The following ACVR2A variants were observed in gnomAD, a reference collection of about 807,000 sequenced individuals.
ACVR2A encodes the protein activin A receptor type 2A.
ACVR2A carries 7 observed loss-of-function variants against 61.4 expected under a neutral mutation model. That is an observed-to-expected ratio of 0.11 (90% confidence interval 0.06 to 0.21). The LOEUF (loss-of-function observed/expected upper bound fraction) is 0.21, where lower values mean the gene tolerates loss of function less well. Ranked by LOEUF, ACVR2A falls within the 10% of genes least tolerant of loss-of-function variation. The probability of loss-of-function intolerance (pLI) is 1.00; values close to 1 mark genes in which losing one functional copy is unlikely to be tolerated. For missense variants in ACVR2A, 322 were observed against 621.7 expected, an observed-to-expected ratio of 0.52 and a Z score of 5.13; for synonymous variants, 193 against 208.3, an observed-to-expected ratio of 0.93 and a Z score of 0.63.
chr2:147,875,484 C>T (rs576366066), intron 1 of ACVR2A, among the ~76,000 whole-genome samples: 1 of 151,414 alleles, frequency 6.6e-6, no homozygotes, highest in East Asian at 1.9e-4. Flanking sequence ...TCTTTTTTCC[C>T]CTGTGGAAAT....
At position 147,845,222 on chromosome 2, in the gene ACVR2A, C is replaced by A; in HGVS notation, c.55+15C>A. The A allele has an allele frequency of 6.2e-7, 1 of 1,610,162 alleles. No individual in the cohort carries two copies. Among genetic ancestry groups the A allele is most frequent in the African/African-American group, 1.3e-5 (1 of 74,500 alleles). On this transcript the variant is annotated intron_variant, in intron 1 of 10. Transcript: ENST00000241416. ...CTGTTCTTCAGGTAGGTGCAGGGAGCGCGGCGCGGTGGGGCTGCTCCTGCG... is the reference window on the plus strand; with the variant it reads ...CTGTTCTTCAGGTAGGTGCAGGGAGAGCGGCGCGGTGGGGCTGCTCCTGCG...
At chr2:147,905,889 A>G (rs899431167) in intron 4 of ACVR2A, among the ~76,000 whole-genome samples, 35 of 152,288 alleles carry the variant, frequency 2.3e-4, no homozygotes, top group African/African-American at 7.7e-4. Flanking sequence ...ACCTTTATCA[A>G]TAGCTTAAAA....
chr2:147,880,983 A>G (rs181917846), intron 1 of ACVR2A, among the ~76,000 whole-genome samples: 24 of 152,296 alleles, frequency 1.6e-4, no homozygotes, highest in African/African-American at 5.5e-4. Flanking sequence ...ATGGAAATCT[A>G]TCCCTTTTAT....
intron 3 of ACVR2A, 43 bp from the exon 4 acceptor site, chr2:147,899,701 T>G: frequency 1.2e-6 from 2 of 1,605,422 alleles, no homozygotes; most frequent in East Asian, 2.2e-5. Context: ...TTATAGAATT[T>G]TGTAGACCAA....
At position 147,888,445 on chromosome 2, in the gene ACVR2A, T is replaced by A. The variant is rs199737881; in HGVS notation, c.56-7856T>A. ...TTCCAAATGTTTAGGTTTTATTTGATTTCTTTCATCAGCATTTTAAAATTT... is the reference window on the plus strand; with the variant it reads ...TTCCAAATGTTTAGGTTTTATTTGAATTCTTTCATCAGCATTTTAAAATTT... On this transcript the variant is annotated intron_variant, in intron 1 of 10. Coordinates refer to ENST00000241416, the MANE Select transcript of ACVR2A (RefSeq NM_001616.5). Among the ~76,000 whole-genome samples, 10 of 152,312 alleles carry A rather than the reference T, an allele frequency of 6.6e-5. No individual in the cohort carries two copies. The East Asian group carries it at 1.9e-3, about 29-fold the overall frequency.
chr2:147,898,977 G>C (rs1208694366), intron 2 of ACVR2A, among the ~76,000 whole-genome samples: 1 of 152,020 alleles, frequency 6.6e-6, no homozygotes, highest in African/African-American at 2.4e-5. Context: ...TGAGATACGA[G>C]CTTTTATCAC....
intron 1 of ACVR2A, among the ~76,000 whole-genome samples, chr2:147,878,767 G>A (rs975301512): frequency 2.0e-5 from 3 of 152,010 alleles, no homozygotes; most frequent in East Asian, 1.9e-4. Flanking sequence ...AAAAAAAGCC[G>A]GTGTGGTGGC....
chr2:147,914,962 T>C (rs1417025435), intron 4 of ACVR2A, among the ~76,000 whole-genome samples: 3 of 151,828 alleles, frequency 2.0e-5, no homozygotes, highest in Admixed American at 6.6e-5. Flanking sequence ...GGTACATATA[T>C]AGCAATAATG....
rs149682383 is a variant in ACVR2A, at chr2:147,920,267, C to A, written c.1000C>A (p.Leu334Met). Reference sequence around the variant, plus strand: ...TAAAAATGTGCTGTTGAAAAACAACCTGACAGCTTGCATTGCTGACTTTGG... The same window carrying A: ...TAAAAATGTGCTGTTGAAAAACAACATGACAGCTTGCATTGCTGACTTTGG... ...KSKNVLLKNN[L>M]TACIADFGLA... Residue 334 changes from leucine to methionine, a missense_variant, in exon 8 of 11, where the codon CTG becomes ATG. Leu to Met is a conservative substitution (Grantham distance 15). Coordinates refer to ENST00000241416, the MANE Select transcript of ACVR2A (RefSeq NM_001616.5). The A allele has an allele frequency of 1.2e-6, 2 of 1,613,448 alleles. No homozygotes were observed. Among genetic ancestry groups the A allele is most frequent in the African/African-American group, 2.7e-5 (2 of 74,872 alleles).
Position 147,899,734 on chromosome 2 carries a change from T to C in ACVR2A, c.374-10T>C. 1 of 1,611,208 alleles carries C rather than the reference T, an allele frequency of 6.2e-7. No individual in the cohort carries two copies. The highest frequency in any genetic ancestry group is 8.5e-7 in the Non-Finnish European group (1 of 1,178,412). The stretch of plus-strand genomic sequence containing the variant: ...CAAATCTGAGTTATTTTTCCCCCCC[T>C]TTTCCACAGCCACTTCAAATCCAGT... On this transcript the variant is annotated splice_polypyrimidine_tract_variant and intron_variant, in intron 3 of 10. Transcript: ENST00000241416.
At chr2:147,922,140 T>A (rs1472035832) in intron 8 of ACVR2A, among the ~76,000 whole-genome samples, 6 of 152,128 alleles carry the variant, frequency 3.9e-5, no homozygotes, top group Admixed American at 6.6e-5. Flanking sequence ...GTAAATTTTT[T>A]AAAAGTAGAG....
intron 1 of ACVR2A, among the ~76,000 whole-genome samples, chr2:147,882,902 A>T (rs1043940607): frequency 1.9e-4 from 28 of 146,400 alleles, no homozygotes; most frequent in Admixed American, 1.2e-3. Flanking sequence ...GGCTTAGTTT[A>T]AAAAAAAAAA....
intron 1 of ACVR2A, among the ~76,000 whole-genome samples, chr2:147,865,643 T>A (rs1325944160): frequency 6.6e-6 from 1 of 152,214 alleles, no homozygotes. Context: ...TGACTAAGTG[T>A]AGGAGATGTC....
At chr2:147,877,155 C>T (rs921540175) in intron 1 of ACVR2A, among the ~76,000 whole-genome samples, 3 of 152,098 alleles carry the variant, frequency 2.0e-5, no homozygotes, top group Non-Finnish European at 2.9e-5. Context: ...GAAAAGTGCC[C>T]TATTATTTGA....
At chr2:147,878,020 T>C (rs1686203007) in intron 1 of ACVR2A, among the ~76,000 whole-genome samples, 1 of 152,198 alleles carries the variant, frequency 6.6e-6, no homozygotes, top group South Asian at 2.1e-4. Context: ...CTGTTGCCTG[T>C]AGTATGTGAT....
In ACVR2A at chr2:147,907,947, G is replaced by A. The variant is rs188238267; in HGVS notation, c.529-7244G>A. ...CCAGCTACTTCGGAGGCTGAGGTGGGAGAATTGCTTGAACCTGGGAGGCGG... is the reference window on the plus strand; with the variant it reads ...CCAGCTACTTCGGAGGCTGAGGTGGAAGAATTGCTTGAACCTGGGAGGCGG... On this transcript the variant is annotated intron_variant, in intron 4 of 10. Transcript: ENST00000241416. 1.7e-3 allele frequency among the ~76,000 whole-genome samples: 251 copies of A among 151,260 alleles called. 2 individuals carry two copies. Among genetic ancestry groups the A allele is most frequent in the African/African-American group, 5.8e-3 (239 of 41,186 alleles).
At chr2:147,857,429 A>G (rs189150019) in intron 1 of ACVR2A, among the ~76,000 whole-genome samples, 2 of 152,172 alleles carry the variant, frequency 1.3e-5, no homozygotes, top group East Asian at 1.9e-4. Context: ...TATAGATAAT[A>G]GAACCATTGA....
intron 1 of ACVR2A, among the ~76,000 whole-genome samples, chr2:147,882,280 G>A (rs765827119): frequency 6.6e-6 from 1 of 152,266 alleles, no homozygotes; most frequent in Admixed American, 6.5e-5. Flanking sequence ...GCTGGATGCA[G>A]TTGCTCATGA....
chr2:147,849,459 T>C (rs1030760845), intron 1 of ACVR2A, among the ~76,000 whole-genome samples: 4 of 152,210 alleles, frequency 2.6e-5, no homozygotes, highest in African/African-American at 7.2e-5. Context: ...ACTTTTAACC[T>C]AATCTCTTAA....
Sources: gnomAD v4.1 joint callset for allele counts (sites outside exome capture counted in the v4.1 genomes callset) on GRCh38, gnomAD v4.1.1 for gene constraint, MANE v1.5 for transcripts, NCBI Gene and HGNC (gene_info 2026-07-23, HGNC 2026-07-21) for gene names.